The following ARHGAP26 variants were observed in gnomAD, a reference collection of about 807,000 sequenced individuals.
The protein encoded by ARHGAP26 is rho GTPase-activating protein 26.
A neutral mutation model predicts 104.8 loss-of-function variants in ARHGAP26; 38 were observed. The ratio of observed to expected loss-of-function variants is 0.36; its 90% CI spans 0.28 to 0.48. The LOEUF is 0.48. ARHGAP26 is among the 20% of genes least tolerant of loss of function. The pLI, the probability that ARHGAP26 is intolerant of heterozygous loss-of-function variation, is 0.99. For synonymous variants in ARHGAP26, 341 were observed against 340.0 expected, an observed-to-expected ratio of 1.00 and a Z score of -0.03; for missense variants, 704 against 947.9, an observed-to-expected ratio of 0.74 and a Z score of 3.38.
intron 1 of ARHGAP26, among the ~76,000 whole-genome samples, chr5:142,843,442 T>C (rs1771220640): frequency 6.6e-6 from 1 of 152,240 alleles, no homozygotes; most frequent in Non-Finnish European, 1.5e-5. Context: ...TTCACTAGAT[T>C]GTCATGATTA....
intron 3 of ARHGAP26, among the ~76,000 whole-genome samples, chr5:142,879,000 C>T (rs1297249795): frequency 6.6e-6 from 1 of 152,180 alleles, no homozygotes; most frequent in African/African-American, 2.4e-5. Context: ...CAGTGTTGAT[C>T]TACTTTACCC....
rs1344578212 is a variant in ARHGAP26, at chr5:143,150,558, TC to T, written c.1988+3179del. On this transcript the variant is annotated intron_variant, in intron 20 of 22. Coordinates refer to ENST00000645722, the MANE Select transcript of ARHGAP26 (RefSeq NM_001135608.3). ...AGAAGGATGAAGGAGGCAGAGATTA[TC>T]CAGGATGGATAAATGCATTCTGCAG... Among the ~76,000 whole-genome samples, 18 of 152,114 alleles carry T rather than the reference TC, an allele frequency of 1.2e-4. No homozygotes were observed. The East Asian group carries it at 3.5e-3, about 29-fold the overall frequency.
At chr5:143,167,851 C>CT (rs1003889469) in intron 20 of ARHGAP26, among the ~76,000 whole-genome samples, 33 of 152,082 alleles carry the variant, frequency 2.2e-4, no homozygotes, top group African/African-American at 5.5e-4. Context: ...ATTTTTTGAG[C>CT]TTTTTTTTAA....
chr5:143,093,112 T>G (rs1791707318), intron 17 of ARHGAP26, among the ~76,000 whole-genome samples: 1 of 152,130 alleles, frequency 6.6e-6, no homozygotes. Flanking sequence ...TAGCTTTATA[T>G]GTTAAGGTTC....
chr5:143,139,238 T>C lies in ARHGAP26; in HGVS notation c.1837+5133T>C, dbSNP rs553487013. The stretch of plus-strand genomic sequence containing the variant: ...ATAAAAATAATTATAGCTCTACTTA[T>C]GTGCCTACTAACCTCATTATCTCGT... On this transcript the variant is annotated intron_variant, in intron 19 of 22. Transcript: ENST00000645722. Among the ~76,000 whole-genome samples the C allele has an allele frequency of 3.7e-4, 57 of 152,370 alleles. 2 individuals carry two copies. In the South Asian group the frequency reaches 0.012, roughly 32 times the overall value.
intron 1 of ARHGAP26, among the ~76,000 whole-genome samples, chr5:142,811,219 C>T (rs1007515081): frequency 6.6e-6 from 1 of 151,606 alleles, no homozygotes; most frequent in Admixed American, 6.6e-5. Context: ...CCTGGCCTTC[C>T]ACTTTTCCTG....
At chr5:142,776,619 A>G (rs1009343307) in intron 1 of ARHGAP26, among the ~76,000 whole-genome samples, 9 of 152,316 alleles carry the variant, frequency 5.9e-5, no homozygotes, top group South Asian at 2.1e-4. Flanking sequence ...TTTGTAAACC[A>G]TAAGTTGTTT....
chr5:143,053,761 C>T (rs1015458951), intron 14 of ARHGAP26, among the ~76,000 whole-genome samples: 2 of 152,200 alleles, frequency 1.3e-5, no homozygotes, highest in Non-Finnish European at 2.9e-5. Flanking sequence ...AATCATACCA[C>T]AGTCCACCAC....
chr5:142,846,404 G>A (rs1237710025), intron 1 of ARHGAP26, among the ~76,000 whole-genome samples: 2 of 152,202 alleles, frequency 1.3e-5, no homozygotes, highest in Non-Finnish European at 2.9e-5. Context: ...GCTCCCAGGG[G>A]AATGTCTTTT....
At chr5:142,872,828 G>C (rs914397735) in intron 1 of ARHGAP26, among the ~76,000 whole-genome samples, 2 of 152,220 alleles carry the variant, frequency 1.3e-5, no homozygotes, top group African/African-American at 4.8e-5. Context: ...GAGGAGAGTG[G>C]AGAGGGTTGT....
intron 20 of ARHGAP26, among the ~76,000 whole-genome samples, chr5:143,201,502 A>G (rs1182401213): frequency 6.6e-6 from 1 of 152,154 alleles, no homozygotes; most frequent in Non-Finnish European, 1.5e-5. Context: ...GGGTTTGGTG[A>G]GGGGCAGGAG....
intron 20 of ARHGAP26, chr5:143,165,244 G>A (rs372005147): frequency 5.3e-4 from 80 of 152,356 alleles, no homozygotes; most frequent in African/African-American, 1.9e-3. Flanking sequence ...GGCCCCTAGG[G>A]GCCCTGCACT....
intron 10 of ARHGAP26, among the ~76,000 whole-genome samples, chr5:142,926,147 T>C (rs116442354): frequency 0.011 from 1,733 of 152,314 alleles, 27 homozygotes; most frequent in African/African-American, 0.039. Context: ...CCCAGGATCC[T>C]GAATGTGTTG....
At chr5:142,978,478 G>A (rs1160317371) in intron 11 of ARHGAP26, among the ~76,000 whole-genome samples, 1 of 152,208 alleles carries the variant, frequency 6.6e-6, no homozygotes, top group Non-Finnish European at 1.5e-5. Flanking sequence ...CGAAGCACCA[G>A]TATAGAATGG....
At chr5:142,948,947 A>G (rs1767597157) in intron 11 of ARHGAP26, among the ~76,000 whole-genome samples, 1 of 151,918 alleles carries the variant, frequency 6.6e-6, no homozygotes, top group Admixed American at 6.6e-5. Flanking sequence ...TCTACTAAAA[A>G]TACAAAAATT....
intron 11 of ARHGAP26, among the ~76,000 whole-genome samples, chr5:143,003,924 G>A (rs1333155109): frequency 6.7e-6 from 1 of 149,686 alleles, no homozygotes; most frequent in Admixed American, 6.7e-5. Flanking sequence ...GTTTAATTGA[G>A]CTATGAACAA....
At chr5:143,004,016 A>C (rs1445963876) in intron 11 of ARHGAP26, among the ~76,000 whole-genome samples, 1 of 42,840 alleles carries the variant, frequency 2.3e-5, no homozygotes, top group African/African-American at 5.2e-5. Flanking sequence ...AAATTTATAG[A>C]CAAAAAAAAA....
rs574134861 is a variant in ARHGAP26 at position 143,048,893 on chromosome 5, A to G, written c.1286-5546A>G. 6.0e-5 allele frequency among the ~76,000 whole-genome samples: 9 copies of G among 149,450 alleles called. No individual in the cohort carries two copies. The South Asian group carries it at 1.9e-3, about 32-fold the overall frequency. On this transcript the variant is annotated intron_variant, in intron 14 of 22. Coordinates refer to ENST00000645722, the MANE Select transcript of ARHGAP26 (RefSeq NM_001135608.3). ...GTGCCATTGCACTCCAGCCTGGGTA[A>G]CAGAATGAGACTCCATCTCAAAAAA...
chr5:143,203,994 C>T (rs1486425710), intron 20 of ARHGAP26, among the ~76,000 whole-genome samples: 2 of 151,634 alleles, frequency 1.3e-5, no homozygotes, highest in Non-Finnish European at 2.9e-5. Context: ...GTGCAGCAAA[C>T]CATCATGGCA....
Sources: gnomAD v4.1 joint callset for allele counts (sites outside exome capture counted in the v4.1 genomes callset) on GRCh38, gnomAD v4.1.1 for gene constraint, MANE v1.5 for transcripts, NCBI Gene and HGNC (gene_info 2026-07-23, HGNC 2026-07-21) for gene names.